ARID1B: variants seen among roughly 807,000 people sequenced by gnomAD.
ARID1B encodes AT-rich interaction domain 1B, also known as AT-rich interactive domain-containing protein 1B.
ARID1B carries 30 observed loss-of-function variants against 212.3 expected under a neutral mutation model. The observed-to-expected ratio is 0.14, with a 90% CI of 0.11 to 0.19. The LOEUF is 0.19. Among genes scored for constraint, ARID1B ranks in the 10% least tolerant of loss-of-function variants. The pLI, the probability that ARID1B is intolerant of heterozygous loss-of-function variation, is 1.00. For missense variants in ARID1B, 2,891 were observed against 3,204.0 expected, an observed-to-expected ratio of 0.90 and a Z score of 2.36; for synonymous variants, 1,402 against 1,301.7, an observed-to-expected ratio of 1.08 and a Z score of -1.66.
chr6:156,906,001 A>G (rs1311593759), intron 3 of ARID1B, among the ~76,000 whole-genome samples: 3 of 152,160 alleles, frequency 2.0e-5, no homozygotes, highest in Non-Finnish European at 4.4e-5. Context: ...CTGTAATAAA[A>G]AGATGTGTTT....
At chr6:157,028,219 T>C (rs1401857769) in intron 4 of ARID1B, among the ~76,000 whole-genome samples, 1 of 152,248 alleles carries the variant, frequency 6.6e-6, no homozygotes, top group Admixed American at 6.5e-5. Flanking sequence ...TAACTACCAC[T>C]TACTTAGTGC....
intron 2 of ARID1B, among the ~76,000 whole-genome samples, chr6:156,860,614 CTCTT>C (rs1785261525): frequency 6.6e-6 from 1 of 152,114 alleles, no homozygotes; most frequent in African/African-American, 2.4e-5. Flanking sequence ...CAATAGCTGA[CTCTT>C]TCATTTACTT....
At chr6:157,059,823 T>C (rs1783225180) in intron 4 of ARID1B, among the ~76,000 whole-genome samples, 1 of 152,224 alleles carries the variant, frequency 6.6e-6, no homozygotes, top group Admixed American at 6.5e-5. Context: ...TTTCAGAATT[T>C]ACAAAATGCT....
chr6:157,130,233 T>C (rs1788453618), intron 6 of ARID1B, among the ~76,000 whole-genome samples: 1 of 152,096 alleles, frequency 6.6e-6, no homozygotes, highest in East Asian at 1.9e-4. Context: ...GACACCTTCA[T>C]GGTTGGAGTG....
At chr6:156,911,236 G>A (rs1278661138) in intron 3 of ARID1B, among the ~76,000 whole-genome samples, 1 of 151,600 alleles carries the variant, frequency 6.6e-6, no homozygotes, top group East Asian at 1.9e-4. Context: ...TATACGTGAT[G>A]GTTTTGTTTC....
chr6:156,941,113 C>T (rs1792642577), intron 4 of ARID1B: 1 of 152,144 alleles, frequency 6.6e-6, no homozygotes, highest in Non-Finnish European at 1.5e-5. Context: ...TGTCATCAGG[C>T]TTATCTCAGT....
chr6:156,861,632 T>G (rs1464938998), intron 2 of ARID1B, among the ~76,000 whole-genome samples: 1 of 151,890 alleles, frequency 6.6e-6, no homozygotes. Flanking sequence ...AAATAAAAAA[T>G]TAATAAATAA....
At chr6:157,130,007 A>G (rs1334169067) in intron 6 of ARID1B, among the ~76,000 whole-genome samples, 3 of 152,144 alleles carry the variant, frequency 2.0e-5, no homozygotes, top group South Asian at 2.1e-4. Context: ...CGTCTCTACT[A>G]AAAGTACAAA....
chr6:157,161,851 G>C (rs1417526090), intron 8 of ARID1B, among the ~76,000 whole-genome samples: 1 of 152,176 alleles, frequency 6.6e-6, no homozygotes, highest in Non-Finnish European at 1.5e-5. Context: ...TCATAACCCA[G>C]CTACATCTAC....
At chr6:157,120,617 A>G (rs976720551) in intron 6 of ARID1B, among the ~76,000 whole-genome samples, 1 of 152,172 alleles carries the variant, frequency 6.6e-6, no homozygotes, top group African/African-American at 2.4e-5. Flanking sequence ...TGTGACACCT[A>G]TTTGTGAAGA....
intron 11 of ARID1B, among the ~76,000 whole-genome samples, chr6:157,177,441 A>C (rs1181720522): frequency 6.6e-6 from 1 of 152,246 alleles, no homozygotes; most frequent in Non-Finnish European, 1.5e-5. Flanking sequence ...ATTGCTCTTA[A>C]TAGTGTCCTT....
At chr6:156,849,873 C>T (rs1784469764) in intron 2 of ARID1B, among the ~76,000 whole-genome samples, 1 of 151,970 alleles carries the variant, frequency 6.6e-6, no homozygotes, top group African/African-American at 2.4e-5. Flanking sequence ...TTCACTTTCT[C>T]TCTCGGATTA....
intron 1 of ARID1B, among the ~76,000 whole-genome samples, chr6:156,781,975 CTTTT>C (rs57443841): frequency 7.7e-5 from 3 of 39,202 alleles, no homozygotes; most frequent in East Asian, 8.7e-4. Context: ...TGGGAATAGG[CTTTT>C]TTTTTTTTTT....
intron 4 of ARID1B, among the ~76,000 whole-genome samples, chr6:157,058,829 A>G (rs1402714726): frequency 6.6e-6 from 1 of 152,212 alleles, no homozygotes; most frequent in Non-Finnish European, 1.5e-5. Flanking sequence ...TATGTGGTTA[A>G]TAAGACATAG....
intron 2 of ARID1B, among the ~76,000 whole-genome samples, chr6:156,879,524 C>T (rs577590313): frequency 6.6e-6 from 1 of 152,314 alleles, no homozygotes; most frequent in South Asian, 2.1e-4. Flanking sequence ...TCGCAAATTG[C>T]TGTAGAAGCC....
chr6:157,002,078 A>G (rs1403928086), intron 4 of ARID1B, among the ~76,000 whole-genome samples: 1 of 152,208 alleles, frequency 6.6e-6, no homozygotes, highest in Non-Finnish European at 1.5e-5. Context: ...CTCAATTGCA[A>G]AGTATGGTAG....
intron 3 of ARID1B, among the ~76,000 whole-genome samples, chr6:156,906,245 G>A (rs369839067): frequency 2.4e-4 from 37 of 152,062 alleles, no homozygotes; most frequent in African/African-American, 8.0e-4. Flanking sequence ...GATTGAAGTG[G>A]GGCAGGGTTG....
At chr6:156,862,504 G>C (rs909651988) in intron 2 of ARID1B, among the ~76,000 whole-genome samples, 1 of 152,218 alleles carries the variant, frequency 6.6e-6, no homozygotes, top group African/African-American at 2.4e-5. Flanking sequence ...AAAAAAACCA[G>C]AAAAGAGCTC....
intron 4 of ARID1B, among the ~76,000 whole-genome samples, chr6:156,951,736 C>T (rs191011522): frequency 2.0e-5 from 3 of 152,244 alleles, no homozygotes; most frequent in East Asian, 1.9e-4. Context: ...AGCCACCGCA[C>T]CTGGCCAACA....
Sources: gnomAD v4.1 joint callset for allele counts (sites outside exome capture counted in the v4.1 genomes callset) on GRCh38, gnomAD v4.1.1 for gene constraint, MANE v1.5 for transcripts, NCBI Gene and HGNC (gene_info 2026-07-23, HGNC 2026-07-21) for gene names.